CD96: variants seen among roughly 807,000 people sequenced by gnomAD.
CD96 encodes CD96 molecule, also known as T-cell surface protein tactile.
In CD96, 70 loss-of-function variants were observed where a neutral mutation model predicts 71.3. The ratio of observed to expected loss-of-function variants is 0.98; its 90% CI spans 0.81 to 1.20. CD96 has a LOEUF of 1.20. CD96 is among the 50% of genes most tolerant of loss of function. The pLI, the probability that CD96 is intolerant of heterozygous loss-of-function variation, is 0.00. For missense variants in CD96, 742 were observed against 677.5 expected (o/e 1.10, Z -1.06); for synonymous variants, 248 against 233.0 (o/e 1.06, Z -0.59).
intron 12 of CD96, among the ~76,000 whole-genome samples, chr3:111,640,597 C>T (rs1470889768): frequency 6.6e-6 from 1 of 152,154 alleles, no homozygotes; most frequent in Non-Finnish European, 1.5e-5. Context: ...TCCCCAGCCT[C>T]GTGACAGCCC....
At chr3:111,594,042 A>AC (rs759415471) in intron 5 of CD96, 6 of 1,614,144 alleles carry the variant, frequency 3.7e-6, no homozygotes, top group Non-Finnish European at 5.1e-6. Flanking sequence ...GCCTCAGAGA[A>AC]CCGGGTGCCC....
chr3:111,557,770 G>T (rs1209139057), intron 2 of CD96, among the ~76,000 whole-genome samples: 2 of 133,510 alleles, frequency 1.5e-5, no homozygotes, highest in East Asian at 4.5e-4. Flanking sequence ...GATGGGGATG[G>T]CATTGAATCT....
intron 8 of CD96, among the ~76,000 whole-genome samples, chr3:111,617,421 T>A (rs1345486676): frequency 6.6e-6 from 1 of 152,208 alleles, no homozygotes; most frequent in Non-Finnish European, 1.5e-5. Flanking sequence ...TATGGACCAA[T>A]CACCATGCAC....
chr3:111,626,236 G>C (rs1212000963), intron 10 of CD96, among the ~76,000 whole-genome samples: 1 of 142,286 alleles, frequency 7.0e-6, no homozygotes, highest in Non-Finnish European at 1.5e-5. Flanking sequence ...GGGAGGCGGA[G>C]CTCGCAGTGA....
At chr3:111,632,889 T>G (rs1410052834) in intron 10 of CD96, among the ~76,000 whole-genome samples, 1 of 152,224 alleles carries the variant, frequency 6.6e-6, no homozygotes, top group East Asian at 1.9e-4. Flanking sequence ...AAACACCACA[T>G]GTTCTCGAAT....
At chr3:111,593,338 C>T (rs527768076) in intron 5 of CD96, 7 of 482,132 alleles carry the variant, frequency 1.5e-5, no homozygotes, top group South Asian at 1.7e-4. Flanking sequence ...TTTAGAGTTT[C>T]GGCCAAGGGT....
chr3:111,555,638 A>G (rs1405787652), intron 2 of CD96, among the ~76,000 whole-genome samples: 2 of 152,282 alleles, frequency 1.3e-5, no homozygotes, highest in Non-Finnish European at 2.9e-5. Context: ...GCTCCTTTCA[A>G]TTGCTACTTT....
At chr3:111,602,259 G>T (rs1238523313) in intron 7 of CD96, among the ~76,000 whole-genome samples, 1 of 152,158 alleles carries the variant, frequency 6.6e-6, no homozygotes, top group African/African-American at 2.4e-5. Context: ...ATTATAGGTA[G>T]AACCATGTCT....
intron 10 of CD96, among the ~76,000 whole-genome samples, chr3:111,628,135 C>G (rs901570480): frequency 2.6e-5 from 4 of 152,140 alleles, no homozygotes; most frequent in Non-Finnish European, 4.4e-5. Context: ...CAAATAATCT[C>G]AACACCTGCC....
chr3:111,550,868 A>G (rs906239787), intron 2 of CD96, among the ~76,000 whole-genome samples: 1 of 152,188 alleles, frequency 6.6e-6, no homozygotes, highest in East Asian at 1.9e-4. Flanking sequence ...AGTGAAAACA[A>G]TTCGCACAAG....
At chr3:111,664,433 T>G (rs1411817917) in intron 14 of CD96, among the ~76,000 whole-genome samples, 2 of 152,340 alleles carry the variant, frequency 1.3e-5, no homozygotes, top group East Asian at 1.9e-4. Flanking sequence ...CCACGTGTTC[T>G]CACTTATAAG....
intron 8 of CD96, among the ~76,000 whole-genome samples, chr3:111,613,923 G>T (rs756618142): frequency 6.6e-6 from 1 of 152,194 alleles, no homozygotes; most frequent in Non-Finnish European, 1.5e-5. Context: ...AGCTAAACCG[G>T]TAGGTTAGCA....
chr3:111,638,045 A>G, intron 11 of CD96, 34 bp from the exon 12 acceptor site: 2 of 1,118,210 alleles, frequency 1.8e-6, no homozygotes, highest in South Asian at 2.5e-5. Flanking sequence ...TCAAGTTGAG[A>G]TGTCTTGTCC....
intron 8 of CD96, among the ~76,000 whole-genome samples, chr3:111,615,402 A>C (rs941351021): frequency 1.2e-4 from 18 of 152,232 alleles, no homozygotes; most frequent in African/African-American, 4.3e-4. Context: ...CCTTCTTCTA[A>C]GGGTGATTAA....
At chr3:111,629,304 A>G (rs939945113) in intron 10 of CD96, among the ~76,000 whole-genome samples, 2 of 152,228 alleles carry the variant, frequency 1.3e-5, no homozygotes, top group Non-Finnish European at 2.9e-5. Flanking sequence ...GCTCAAAATA[A>G]AGGGATGGAG....
At chr3:111,593,726 T>G (rs373021069) in intron 5 of CD96, 5 of 1,613,912 alleles carry the variant, frequency 3.1e-6, no homozygotes, top group East Asian at 4.5e-5. Flanking sequence ...CCTAAGCACC[T>G]CCTTTTCCCT....
rs1940046081 is a variant in CD96, at chr3:111,650,886, C to G, written c.*1080C>G. 1 of 152,232 alleles carries G rather than the reference C, an allele frequency of 6.6e-6. No individual in the cohort carries two copies. Among genetic ancestry groups the G allele is most frequent in the African/African-American group, 2.4e-5 (1 of 41,462 alleles). 9.4% of individuals were successfully genotyped at this position (152,232 alleles called of 1,614,324 possible). A position where few individuals can be genotyped will look rare whatever the true frequency, so the allele number is the denominator to read the frequency against. ...CCTTGTCGCTTGAAACCTTCCCACA[C>G]TCCCTGCTCCAGGAGGGAAAAACAG... On this transcript the variant is annotated 3_prime_UTR_variant, in exon 14 of 14. Transcript: ENST00000352690.
chr3:111,587,212 A>T (rs986567446), intron 5 of CD96, among the ~76,000 whole-genome samples: 3 of 152,196 alleles, frequency 2.0e-5, no homozygotes, highest in African/African-American at 7.2e-5. Context: ...GGGTTCCCAT[A>T]GTCTTAGGCA....
At chr3:111,572,059 C>T (rs1936007274) in intron 3 of CD96, among the ~76,000 whole-genome samples, 1 of 152,186 alleles carries the variant, frequency 6.6e-6, no homozygotes, top group African/African-American at 2.4e-5. Flanking sequence ...GACCTATGCT[C>T]ATCATAATGG....
Sources: gnomAD v4.1 joint callset for allele counts (sites outside exome capture counted in the v4.1 genomes callset) on GRCh38, gnomAD v4.1.1 for gene constraint, MANE v1.5 for transcripts, NCBI Gene and HGNC (gene_info 2026-07-23, HGNC 2026-07-21) for gene names.